Variants in NBAS observed in about 807,000 individuals in gnomAD.
The protein encoded by NBAS is NAG/BC035112 fusion.
NBAS carries 219 observed loss-of-function variants against 302.5 expected under a neutral mutation model. The observed-to-expected ratio is 0.72, with a 90% CI of 0.65 to 0.81. The LOEUF is 0.81. Among genes scored for constraint, NBAS ranks in the 30% least tolerant of loss-of-function variants. NBAS has a pLI of 0.00. For missense variants in NBAS, 2,932 were observed against 2,841.6 expected (o/e 1.03, Z -0.72); for synonymous variants, 1,118 against 1,021.6 (o/e 1.09, Z -1.80).
intron 31 of NBAS, among the ~76,000 whole-genome samples, chr2:15,367,142 G>C (rs1417586527): frequency 2.0e-5 from 3 of 152,054 alleles, no homozygotes; most frequent in Non-Finnish European, 2.9e-5. Context: ...TGGAAGGCAG[G>C]AGTCTTCAAA....
intron 4 of NBAS, 149 bp from the exon 5 acceptor site, chr2:15,553,622 TGAG>T: frequency 1.3e-6 from 1 of 765,898 alleles, no homozygotes; most frequent in South Asian, 1.6e-5. Flanking sequence ...TACAATTAGA[TGAG>T]GATACAGGTA....
At chr2:15,448,460 C>G (rs943467268) in intron 21 of NBAS, among the ~76,000 whole-genome samples, 3 of 152,158 alleles carry the variant, frequency 2.0e-5, no homozygotes, top group African/African-American at 7.2e-5. Context: ...AGCCAAATGA[C>G]TTTCCAAAAA....
At position 15,184,930 on chromosome 2, in the gene NBAS, C is replaced by T. The variant is rs114503090; in HGVS notation, c.6711+1812G>A. Among the ~76,000 whole-genome samples the T allele has an allele frequency of 7.1e-3, 1,078 of 152,246 alleles. 14 individuals are homozygous for T. Among genetic ancestry groups the T allele is most frequent in the African/African-American group, 0.025 (1,041 of 41,530 alleles). On this transcript the variant is annotated intron_variant, in intron 50 of 51. Coordinates refer to ENST00000281513, the MANE Select transcript of NBAS (RefSeq NM_015909.4). ...CAGACAATGACAGAGATCCTAACAA[C>T]CTTATATCTTAAATACTGATCATCT... is the stretch of plus-strand genomic sequence containing the variant.
chr2:14,968,912 A>G, the NBAS span, among the ~76,000 whole-genome samples: 1 of 152,352 alleles, frequency 6.6e-6, no homozygotes, highest in East Asian at 1.9e-4. Flanking sequence ...ATAGCAGTAT[A>G]TTTACAATAG....
At chr2:14,902,872 A>T in the NBAS span, among the ~76,000 whole-genome samples, 4 of 152,332 alleles carry the variant, frequency 2.6e-5, no homozygotes, top group Non-Finnish European at 4.4e-5. Flanking sequence ...TTATTAGAGC[A>T]CATTGGCCAT....
chr2:15,497,716 T>C (rs1421530835), intron 11 of NBAS, among the ~76,000 whole-genome samples: 2 of 152,174 alleles, frequency 1.3e-5, no homozygotes, highest in Non-Finnish European at 2.9e-5. Context: ...TCTTGGGATC[T>C]GAAAGGTATT....
chr2:14,783,403 C>T, the NBAS span, among the ~76,000 whole-genome samples: 1 of 151,272 alleles, frequency 6.6e-6, no homozygotes, highest in Admixed American at 6.6e-5. Flanking sequence ...ATGTGCCATG[C>T]TGGTGTGCTG....
the NBAS span, among the ~76,000 whole-genome samples, chr2:15,071,371 A>G: frequency 1.3e-5 from 2 of 152,124 alleles, no homozygotes; most frequent in Non-Finnish European, 2.9e-5. Context: ...CGCGCCTGTA[A>G]TCCCAGCACT....
chr2:15,144,046 A>ATATAGTATT, the NBAS span, among the ~76,000 whole-genome samples: 1 of 104,578 alleles, frequency 9.6e-6, no homozygotes, highest in East Asian at 4.3e-4. Flanking sequence ...CCTATATATA[A>ATATAGTATT]AAATATATAT....
At chr2:15,199,445 G>A (rs978294988) in intron 48 of NBAS, among the ~76,000 whole-genome samples, 1 of 152,142 alleles carries the variant, frequency 6.6e-6, no homozygotes, top group African/African-American at 2.4e-5. Flanking sequence ...AAATACATAT[G>A]TTCCAAGCAT....
chr2:14,863,001 T>A, the NBAS span, among the ~76,000 whole-genome samples: 2 of 152,190 alleles, frequency 1.3e-5, no homozygotes, highest in African/African-American at 2.4e-5. Flanking sequence ...AAGTGACACA[T>A]CAGTGGCATG....
intron 9 of NBAS, among the ~76,000 whole-genome samples, chr2:15,513,121 C>T (rs1253012613): frequency 6.6e-6 from 1 of 152,178 alleles, no homozygotes; most frequent in African/African-American, 2.4e-5. Flanking sequence ...ATCTCAAAAA[C>T]CATAAAGTAA....
chr2:14,785,054 C>T, the NBAS span, among the ~76,000 whole-genome samples: 1 of 152,216 alleles, frequency 6.6e-6, no homozygotes, highest in African/African-American at 2.4e-5. Context: ...AAGGTGGATT[C>T]CTAGGTATTT....
chr2:15,474,845 G>A (rs1680119791), intron 14 of NBAS, among the ~76,000 whole-genome samples: 1 of 152,120 alleles, frequency 6.6e-6, no homozygotes, highest in South Asian at 2.1e-4. Flanking sequence ...AGAGGTGTGA[G>A]CCACTGAGCC....
At chr2:15,454,282 A>G (rs1679150489) in intron 21 of NBAS, among the ~76,000 whole-genome samples, 3 of 152,208 alleles carry the variant, frequency 2.0e-5, no homozygotes, top group African/African-American at 7.2e-5. Context: ...TAATTGTCAC[A>G]GCATTTCTTA....
chr2:15,507,011 G>A (rs1034425498), intron 10 of NBAS, among the ~76,000 whole-genome samples: 10 of 152,210 alleles, frequency 6.6e-5, no homozygotes, highest in African/African-American at 2.4e-4. Flanking sequence ...GACAACTCTT[G>A]AGCATTGTAA....
intron 28 of NBAS, among the ~76,000 whole-genome samples, chr2:15,392,596 C>T (rs573027646): frequency 1.8e-4 from 28 of 151,930 alleles, no homozygotes; most frequent in African/African-American, 6.3e-4. Flanking sequence ...ACACTGAAAA[C>T]TACAAGATTA....
chr2:14,947,293 G>A, the NBAS span, among the ~76,000 whole-genome samples: 1 of 151,858 alleles, frequency 6.6e-6, no homozygotes, highest in Admixed American at 6.6e-5. Flanking sequence ...AGAAAAAAGA[G>A]AGAAGACCCA....
At chr2:15,341,788 C>T (rs1290655397) in intron 35 of NBAS, among the ~76,000 whole-genome samples, 3 of 152,102 alleles carry the variant, frequency 2.0e-5, no homozygotes, top group African/African-American at 7.2e-5. Context: ...GCATATCAAG[C>T]TATCAAATAA....
Sources: allele counts gnomAD v4.1 joint callset (sites outside exome capture counted in the v4.1 genomes callset), GRCh38; gene constraint gnomAD v4.1.1; transcripts MANE v1.5; gene names NCBI Gene and HGNC (gene_info 2026-07-23, HGNC 2026-07-21).